PRKCA: variants seen among roughly 807,000 people sequenced by gnomAD.
PRKCA encodes protein kinase C alpha, also known as protein kinase C alpha type.
PRKCA carries 27 observed loss-of-function variants against 87.0 expected under a neutral mutation model. The ratio of observed to expected loss-of-function variants is 0.31; its 90% CI spans 0.23 to 0.43. The LOEUF is 0.43. Ranked by LOEUF, PRKCA falls within the 20% of genes least tolerant of loss-of-function variation. The pLI is 1.00. For missense variants in PRKCA, 518 were observed against 852.3 expected, an observed-to-expected ratio of 0.61 and a Z score of 4.88; for synonymous variants, 329 against 311.1, an observed-to-expected ratio of 1.06 and a Z score of -0.61.
intron 2 of PRKCA, among the ~76,000 whole-genome samples, chr17:66,493,569 CT>C (rs1360437278): frequency 1.3e-5 from 2 of 151,974 alleles, no homozygotes; most frequent in African/African-American, 4.8e-5. Context: ...TCCTCCCTGC[CT>C]CCCTTCCTGT....
intron 3 of PRKCA, among the ~76,000 whole-genome samples, chr17:66,620,204 T>C (rs1970636790): frequency 2.6e-5 from 4 of 152,218 alleles, no homozygotes; most frequent in Admixed American, 2.6e-4. Flanking sequence ...ATGAAATAGA[T>C]AAAATCCACA....
intron 5 of PRKCA, among the ~76,000 whole-genome samples, chr17:66,653,661 T>C (rs1004011364): frequency 6.6e-6 from 1 of 151,858 alleles, no homozygotes; most frequent in Non-Finnish European, 1.5e-5. Context: ...CATCAAGGAG[T>C]TGGGGAATGG....
At chr17:66,377,083 T>C (rs1909463531) in intron 2 of PRKCA, among the ~76,000 whole-genome samples, 3 of 152,108 alleles carry the variant, frequency 2.0e-5, no homozygotes, top group Admixed American at 6.6e-5. Context: ...TGGAATGCAA[T>C]GGCATGATCT....
At chr17:66,654,185 T>C (rs570885885) in intron 5 of PRKCA, among the ~76,000 whole-genome samples, 13 of 152,290 alleles carry the variant, frequency 8.5e-5, no homozygotes, top group Admixed American at 7.8e-4. Context: ...TCTATGTGCC[T>C]GGCATCTTGC....
At chr17:66,326,228 G>A (rs569399600) in intron 2 of PRKCA, among the ~76,000 whole-genome samples, 54 of 152,066 alleles carry the variant, frequency 3.6e-4, no homozygotes, top group Non-Finnish European at 7.5e-4. Context: ...CGTTCATTTT[G>A]TTTTTTCTCA....
intron 3 of PRKCA, among the ~76,000 whole-genome samples, chr17:66,579,805 TG>T (rs1177416392): frequency 6.6e-6 from 1 of 152,036 alleles, no homozygotes; most frequent in Non-Finnish European, 1.5e-5. Flanking sequence ...CAGACTTGGT[TG>T]GGAGGACAGT....
chr17:66,452,776 ATGGCATGAACC>A (rs1914387680), intron 2 of PRKCA, among the ~76,000 whole-genome samples: 1 of 152,206 alleles, frequency 6.6e-6, no homozygotes, highest in Non-Finnish European at 1.5e-5. Flanking sequence ...AGGCAGGAGA[ATGGCATGAACC>A]TGGGAGGCGG....
intron 2 of PRKCA, among the ~76,000 whole-genome samples, chr17:66,465,190 C>T (rs965216918): frequency 6.6e-6 from 1 of 152,132 alleles, no homozygotes; most frequent in African/African-American, 2.4e-5. Flanking sequence ...ATAGGAAGGA[C>T]TAATCCTTTA....
chr17:66,536,625 G>A (rs574327321), intron 3 of PRKCA, among the ~76,000 whole-genome samples: 2 of 152,308 alleles, frequency 1.3e-5, no homozygotes, highest in Non-Finnish European at 2.9e-5. Flanking sequence ...GGGGGATGCT[G>A]CTGTTGATGT....
intron 5 of PRKCA, among the ~76,000 whole-genome samples, chr17:66,658,444 G>A (rs759365402): frequency 7.9e-5 from 12 of 152,162 alleles, no homozygotes; most frequent in South Asian, 4.1e-4. Context: ...CTGAGATGGC[G>A]CCATTGCACT....
At chr17:66,748,549 G>C (rs1005772199) in intron 13 of PRKCA, among the ~76,000 whole-genome samples, 7 of 152,170 alleles carry the variant, frequency 4.6e-5, no homozygotes, top group African/African-American at 1.7e-4. Context: ...GGGTGGCCAG[G>C]GACTGAGGAG....
intron 8 of PRKCA, among the ~76,000 whole-genome samples, chr17:66,724,215 GA>G (rs1395876551): frequency 6.6e-6 from 1 of 151,826 alleles, no homozygotes; most frequent in Admixed American, 6.6e-5. Context: ...AGAATGGTGT[GA>G]ACCCGGGAGG....
chr17:66,382,234 G>A (rs1287743290), intron 2 of PRKCA, among the ~76,000 whole-genome samples: 2 of 152,084 alleles, frequency 1.3e-5, no homozygotes, highest in Non-Finnish European at 2.9e-5. Flanking sequence ...ATCTCTACTC[G>A]GGGGCAATGC....
At chr17:66,333,936 G>A (rs929055835) in intron 2 of PRKCA, among the ~76,000 whole-genome samples, 2 of 152,236 alleles carry the variant, frequency 1.3e-5, no homozygotes, top group Non-Finnish European at 2.9e-5. Flanking sequence ...CTAATATAAA[G>A]TGTAAAAAAG....
intron 16 of PRKCA, among the ~76,000 whole-genome samples, chr17:66,795,165 T>G (rs1975638043): frequency 6.6e-6 from 1 of 152,202 alleles, no homozygotes; most frequent in African/African-American, 2.4e-5. Context: ...CTATGTTCTT[T>G]TAATAATTAC....
At position 66,302,768 on chromosome 17, in the gene PRKCA, G is replaced by T. The variant is rs1346787545; in HGVS notation, c.-84G>T. 1 of 1,264,880 alleles carries T rather than the reference G, an allele frequency of 7.9e-7. No homozygotes were observed. Among genetic ancestry groups the T allele is most frequent in the Non-Finnish European group, 1.0e-6 (1 of 978,746 alleles). The allele number at this position is 1,264,880 out of a possible 1,614,324, so 78.4% of individuals were successfully genotyped here. On this transcript the variant is annotated 5_prime_UTR_variant, in exon 1 of 17. Coordinates refer to ENST00000413366, the MANE Select transcript of PRKCA (RefSeq NM_002737.3). ...CCGCGCCCGGGGTCGCCCCGAGCCC[G>T]CACCTCTCCCCCGCCGCCCCCGCCC... is the stretch of plus-strand genomic sequence containing the variant.
intron 8 of PRKCA, among the ~76,000 whole-genome samples, chr17:66,723,376 C>A (rs1973662147): frequency 6.6e-6 from 1 of 152,148 alleles, no homozygotes; most frequent in African/African-American, 2.4e-5. Context: ...TGCCTGTAAT[C>A]CCAACACTTT....
chr17:66,362,502 G>A (rs1259713887), intron 2 of PRKCA, among the ~76,000 whole-genome samples: 1 of 152,136 alleles, frequency 6.6e-6, no homozygotes, highest in Non-Finnish European at 1.5e-5. Flanking sequence ...ATAATTGCCT[G>A]GTGGTTGTTG....
At chr17:66,389,495 CTG>C (rs924233762) in intron 2 of PRKCA, among the ~76,000 whole-genome samples, 2 of 152,226 alleles carry the variant, frequency 1.3e-5, no homozygotes, top group African/African-American at 4.8e-5. Context: ...AATGGAGAGA[CTG>C]TATTGAAAAA....
Sources: gnomAD v4.1 joint callset for allele counts (sites outside exome capture counted in the v4.1 genomes callset) on GRCh38, gnomAD v4.1.1 for gene constraint, MANE v1.5 for transcripts, NCBI Gene and HGNC (gene_info 2026-07-23, HGNC 2026-07-21) for gene names.